Variants in TRIM49 observed in about 807,000 individuals in gnomAD.
TRIM49 encodes the protein tripartite motif-containing protein 49.
A neutral mutation model predicts 27.4 loss-of-function variants in TRIM49; 5 were observed. That is an observed-to-expected ratio of 0.18 (90% CI 0.10 to 0.38). The LOEUF (loss-of-function observed/expected upper bound fraction) is 0.38, where lower values mean the gene tolerates loss of function less well. Among genes scored for constraint, TRIM49 ranks in the 10% least tolerant of loss-of-function variants. TRIM49 has a pLI of 1.00. For missense variants in TRIM49, 188 were observed against 487.5 expected (o/e 0.39, Z 5.79); for synonymous variants, 69 against 166.0 (o/e 0.42, Z 4.49).
At chr11:89,793,885 C>G (rs11018784), downstream of TRIM49, among the ~76,000 whole-genome samples, 14,015 of 150,556 alleles carry the variant, frequency 0.093, 397 homozygotes, top group East Asian at 0.25. Flanking sequence ...AAGTTCTGGC[C>G]AGGGCAATCA....
downstream of TRIM49, among the ~76,000 whole-genome samples, chr11:89,797,289 T>A (rs1204985102): frequency 6.6e-6 from 1 of 151,890 alleles, no homozygotes; most frequent in African/African-American, 2.4e-5. Context: ...ACTTTATGTA[T>A]GTTGGGGTGA....
At chr11:89,792,823 C>T (rs1376852084), downstream of TRIM49, among the ~76,000 whole-genome samples, 11 of 152,048 alleles carry the variant, frequency 7.2e-5, no homozygotes, top group Non-Finnish European at 1.5e-4. Flanking sequence ...CCTAACATCA[C>T]AACTAAAAGA....
chr11:89,802,496 G>A (rs1196203971), intron 4 of TRIM49, among the ~76,000 whole-genome samples: 2 of 150,704 alleles, frequency 1.3e-5, no homozygotes, highest in East Asian at 3.9e-4. Context: ...GGTTCTTCCG[G>A]CCTCCAAATA....
chr11:89,790,796 G>T, the TRIM49 span, among the ~76,000 whole-genome samples: 86 of 146,216 alleles, frequency 5.9e-4, no homozygotes, highest in East Asian at 0.017. Context: ...ACAAAGATGG[G>T]GAAAAAACAG....
chr11:89,768,967 T>A, the TRIM49 span: 8 of 403,850 alleles, frequency 2.0e-5, no homozygotes, highest in Non-Finnish European at 2.9e-5. Flanking sequence ...TCACCTGAGG[T>A]CAGGATTTCC....
At chr11:89,799,862 A>T (rs1565445678) in intron 6 of TRIM49, 49 bp from the exon 7 acceptor site, 1 of 1,488,826 alleles carries the variant, frequency 6.7e-7, no homozygotes, top group Non-Finnish European at 9.2e-7. Context: ...TAAAATAAAT[A>T]AAAATCACTA....
At chr11:89,803,892 T>A (rs1257103499) in intron 3 of TRIM49, 99 bp from the exon 4 acceptor site, 14 of 748,082 alleles carry the variant, frequency 1.9e-5, no homozygotes, top group Non-Finnish European at 2.6e-5. Context: ...TGGCATTTCC[T>A]TTGTTTCCCT....
chr11:89,792,925 T>C (rs1018575799), downstream of TRIM49, among the ~76,000 whole-genome samples: 1 of 152,058 alleles, frequency 6.6e-6, no homozygotes, highest in African/African-American at 2.4e-5. Context: ...AGAGACACAA[T>C]GAAACCTTCA....
intron 2 of TRIM49, among the ~76,000 whole-genome samples, chr11:89,805,876 C>T (rs1419192911): frequency 1.3e-5 from 2 of 149,608 alleles, no homozygotes; most frequent in Non-Finnish European, 3.0e-5. Context: ...TGACACTAGG[C>T]CTGGCTAATT....
At chr11:89,800,143 A>G (rs1340324380) in intron 6 of TRIM49, among the ~76,000 whole-genome samples, 3 of 151,044 alleles carry the variant, frequency 2.0e-5, no homozygotes, top group Non-Finnish European at 4.4e-5. Flanking sequence ...TTTGTCTGAA[A>G]TAGCGGGGTT....
At chr11:89,774,261 C>T in the TRIM49 span, among the ~76,000 whole-genome samples, 35,858 of 149,554 alleles carry the variant, frequency 0.24, 5,214 homozygotes, top group African/African-American at 0.44. Flanking sequence ...GGGCCTCCCA[C>T]AGTGCTGGGA....
chr11:89,773,136 A>G, the TRIM49 span, among the ~76,000 whole-genome samples: 1 of 136,596 alleles, frequency 7.3e-6, no homozygotes, highest in Admixed American at 6.9e-5. Context: ...GGTTGCAGTG[A>G]GCTGAGATCA....
chr11:89,769,421 T>G, the TRIM49 span, among the ~76,000 whole-genome samples: 18 of 137,058 alleles, frequency 1.3e-4, 1 homozygote, highest in South Asian at 2.2e-3. Flanking sequence ...TGTCATGCCA[T>G]GTTAGACACA....
At chr11:89,792,921 A>C (rs1949664808), downstream of TRIM49, among the ~76,000 whole-genome samples, 1 of 152,182 alleles carries the variant, frequency 6.6e-6, no homozygotes. Context: ...AGATAGAGAC[A>C]CAATGAAACC....
chr11:89,796,019 C>T (rs1949685696), downstream of TRIM49, among the ~76,000 whole-genome samples: 1 of 151,818 alleles, frequency 6.6e-6, no homozygotes, highest in South Asian at 2.1e-4. Context: ...TGAGACTATT[C>T]ATAGCAGATT....
chr11:89,784,094 T>C, the TRIM49 span, among the ~76,000 whole-genome samples: 2 of 120,098 alleles, frequency 1.7e-5, 1 homozygote, highest in Non-Finnish European at 3.1e-5. Context: ...GGGAATGCTG[T>C]TTACACTCAA....
At chr11:89,772,188 T>C in the TRIM49 span, among the ~76,000 whole-genome samples, 2 of 138,338 alleles carry the variant, frequency 1.4e-5, no homozygotes, top group South Asian at 4.4e-4. Context: ...ATATATTTTC[T>C]TTTTATTTTC....
the TRIM49 span, among the ~76,000 whole-genome samples, chr11:89,782,557 A>G: frequency 6.7e-5 from 10 of 150,310 alleles, no homozygotes; most frequent in Admixed American, 1.3e-4. Flanking sequence ...ATTTTAATTA[A>G]TAAATTATTG....
the TRIM49 span, chr11:89,766,741 T>C: frequency 2.6e-5 from 39 of 1,517,418 alleles, 3 homozygotes; most frequent in Non-Finnish European, 3.5e-5. Context: ...CCCAGAGGTT[T>C]CTCTACATAG....
Sources: gnomAD v4.1 joint callset for allele counts (sites outside exome capture counted in the v4.1 genomes callset) on GRCh38, gnomAD v4.1.1 for gene constraint, MANE v1.5 for transcripts, NCBI Gene and HGNC (gene_info 2026-07-23, HGNC 2026-07-21) for gene names.